LOC128706665: variants seen among roughly 807,000 people sequenced by gnomAD.
the LOC128706665 span, among the ~76,000 whole-genome samples, chr20:10,423,311 T>TG: frequency 2.0e-5 from 3 of 151,814 alleles, no homozygotes; most frequent in Non-Finnish European, 2.9e-5. Context: ...TCTAGCTGCG[T>TG]GGGGGGTGCT....
At chr20:10,429,875 C>T in the LOC128706665 span, among the ~76,000 whole-genome samples, 1 of 152,288 alleles carries the variant, frequency 6.6e-6, no homozygotes, top group African/African-American at 2.4e-5. Flanking sequence ...AGCTGCCCCT[C>T]CTGACCTACT....
the LOC128706665 span, among the ~76,000 whole-genome samples, chr20:10,428,157 C>T: frequency 6.6e-6 from 1 of 152,208 alleles, no homozygotes; most frequent in Non-Finnish European, 1.5e-5. Flanking sequence ...AACTAGCTTA[C>T]CAGCAAGCTG....
At chr20:10,423,168 G>A in the LOC128706665 span, among the ~76,000 whole-genome samples, 5 of 152,106 alleles carry the variant, frequency 3.3e-5, no homozygotes, top group Admixed American at 3.3e-4. Flanking sequence ...CAGGTGCAGT[G>A]GCTCACAAAA....
At chr20:10,427,686 C>T in the LOC128706665 span, among the ~76,000 whole-genome samples, 2 of 152,210 alleles carry the variant, frequency 1.3e-5, no homozygotes, top group African/African-American at 4.8e-5. Flanking sequence ...AATGAACTGA[C>T]ATGGTAAACA....
At chr20:10,432,038 C>T in the LOC128706665 span, 1 of 152,334 alleles carries the variant, frequency 6.6e-6, no homozygotes, top group African/African-American at 2.4e-5. Flanking sequence ...TTCCCCAGCT[C>T]CTGGAAGAGC....
At chr20:10,430,296 A>G in the LOC128706665 span, among the ~76,000 whole-genome samples, 1 of 152,194 alleles carries the variant, frequency 6.6e-6, no homozygotes, top group Non-Finnish European at 1.5e-5. Flanking sequence ...TTACCACTTT[A>G]CAACTGGCTG....
chr20:10,424,088 T>G, the LOC128706665 span, among the ~76,000 whole-genome samples: 1 of 152,330 alleles, frequency 6.6e-6, no homozygotes, highest in Non-Finnish European at 1.5e-5. Context: ...GCTTTTCACG[T>G]TACAAACTAT....
the LOC128706665 span, among the ~76,000 whole-genome samples, chr20:10,421,101 A>G: frequency 2.0e-5 from 3 of 150,496 alleles, no homozygotes; most frequent in East Asian, 5.9e-4. Flanking sequence ...GCCACAATAG[A>G]GTAAGAGCCT....
At chr20:10,431,537 C>A in the LOC128706665 span, 1 of 79,596 alleles carries the variant, frequency 1.3e-5, no homozygotes, top group Non-Finnish European at 2.4e-5. Flanking sequence ...AAAACCAAAC[C>A]AAACCAAACC....
At chr20:10,431,413 G>C in the LOC128706665 span, among the ~76,000 whole-genome samples, 2 of 152,052 alleles carry the variant, frequency 1.3e-5, no homozygotes, top group African/African-American at 2.4e-5. Flanking sequence ...ACTAGCCTCA[G>C]GGGGGAACTA....
the LOC128706665 span, among the ~76,000 whole-genome samples, chr20:10,428,711 C>T: frequency 3.3e-5 from 5 of 152,102 alleles, no homozygotes; most frequent in Admixed American, 6.5e-5. Flanking sequence ...GTGGTGGGTG[C>T]ACCTGTAATC....
the LOC128706665 span, among the ~76,000 whole-genome samples, chr20:10,432,481 T>C: frequency 8.4e-3 from 1,273 of 152,200 alleles, 7 homozygotes; most frequent in Non-Finnish European, 0.013. Context: ...ATCCAGATGC[T>C]CAGGTCCCTG....
At chr20:10,414,282 T>TTTTTTA in the LOC128706665 span, among the ~76,000 whole-genome samples, 4 of 150,940 alleles carry the variant, frequency 2.7e-5, no homozygotes, top group Non-Finnish European at 3.0e-5. Flanking sequence ...TTTTTTTTTT[T>TTTTTTA]GAGATGGAGT....
the LOC128706665 span, among the ~76,000 whole-genome samples, chr20:10,427,029 G>GACACAC: frequency 0.046 from 6,006 of 130,630 alleles, 199 homozygotes; most frequent in African/African-American, 0.06. Context: ...AGAAAACACT[G>GACACAC]ACACACACAC....
the LOC128706665 span, among the ~76,000 whole-genome samples, chr20:10,426,727 GTA>G: frequency 6.6e-6 from 1 of 152,146 alleles, no homozygotes; most frequent in African/African-American, 2.4e-5. Flanking sequence ...TTCATGTCAG[GTA>G]TATAAAAGGT....
At chr20:10,433,248 G>A in the LOC128706665 span, among the ~76,000 whole-genome samples, 4 of 152,122 alleles carry the variant, frequency 2.6e-5, no homozygotes, top group Non-Finnish European at 5.9e-5. Flanking sequence ...CAAGTGATCC[G>A]CCCGCCTCGG....
chr20:10,416,149 T>C, the LOC128706665 span, among the ~76,000 whole-genome samples: 2 of 148,352 alleles, frequency 1.3e-5, no homozygotes, highest in East Asian at 4.1e-4. Context: ...GCTTGGCAGA[T>C]GGGTTTTTGT....
At chr20:10,417,394 T>C in the LOC128706665 span, among the ~76,000 whole-genome samples, 1 of 152,150 alleles carries the variant, frequency 6.6e-6, no homozygotes, top group African/African-American at 2.4e-5. Context: ...GAGGATTGCT[T>C]GAGGCCAGAA....
At chr20:10,415,987 G>GA in the LOC128706665 span, among the ~76,000 whole-genome samples, 9 of 149,136 alleles carry the variant, frequency 6.0e-5, no homozygotes, top group Admixed American at 1.3e-4. Context: ...AGAGAAAAGA[G>GA]AAAAAAAAAC....
Sources: allele counts gnomAD v4.1 joint callset (sites outside exome capture counted in the v4.1 genomes callset), GRCh38; gene constraint gnomAD v4.1.1; transcripts MANE v1.5.